Variants in GNB4 observed in about 807,000 individuals in gnomAD.
GNB4 encodes the protein G protein subunit beta 4, also known as guanine nucleotide-binding protein subunit beta-4.
In GNB4, 28 loss-of-function variants were observed where a neutral mutation model predicts 45.2. The observed-to-expected ratio is 0.62, with a 90% confidence interval of 0.46 to 0.85. The LOEUF (loss-of-function observed/expected upper bound fraction) is 0.85, where lower values mean the gene tolerates loss of function less well. Ranked by LOEUF, GNB4 falls within the 40% of genes least tolerant of loss-of-function variation. The pLI is 0.00. For missense variants in GNB4, 321 were observed against 425.4 expected (o/e 0.75, Z 2.16); for synonymous variants, 132 against 143.7 (o/e 0.92, Z 0.58).
At chr3:179,464,673 G>C in the GNB4 span, 1 of 1,087,728 alleles carries the variant, frequency 9.2e-7, no homozygotes, top group Admixed American at 1.7e-5. Flanking sequence ...TTCAATTTCA[G>C]AGGAAGAATT....
chr3:179,419,912 A>C (rs1205427538), intron 3 of GNB4, among the ~76,000 whole-genome samples: 1 of 152,036 alleles, frequency 6.6e-6, no homozygotes, highest in Non-Finnish European at 1.5e-5. Context: ...TACTTCCTTA[A>C]TAATAATGAT....
chr3:179,515,242 T>C, the GNB4 span, among the ~76,000 whole-genome samples: 1 of 152,270 alleles, frequency 6.6e-6, no homozygotes, highest in Non-Finnish European at 1.5e-5. Flanking sequence ...TTGATTCATT[T>C]AATCCTCACA....
At chr3:179,484,051 G>A in the GNB4 span, among the ~76,000 whole-genome samples, 11 of 152,218 alleles carry the variant, frequency 7.2e-5, no homozygotes, top group Non-Finnish European at 1.3e-4. Flanking sequence ...TTATGGGCAC[G>A]TTGTCTCAGC....
intron 1 of GNB4, among the ~76,000 whole-genome samples, chr3:179,448,253 C>T (rs1577042526): frequency 2.0e-5 from 3 of 152,194 alleles, no homozygotes; most frequent in East Asian, 3.8e-4. Flanking sequence ...GTGTGAGCCA[C>T]CGCGCCTGGC....
intron 1 of GNB4, among the ~76,000 whole-genome samples, chr3:179,431,041 T>C (rs1393943473): frequency 1.3e-5 from 2 of 152,186 alleles, no homozygotes; most frequent in East Asian, 3.9e-4. Flanking sequence ...AATACTATTA[T>C]CATAACTACC....
intron 9 of GNB4, 35 bp downstream of exon 9, chr3:179,405,155 G>GA (rs1560209590): frequency 6.5e-7 from 1 of 1,548,540 alleles, no homozygotes; most frequent in Non-Finnish European, 8.9e-7. Flanking sequence ...CACGCTTCCT[G>GA]AAAATCAGAA....
intron 1 of GNB4, among the ~76,000 whole-genome samples, chr3:179,435,489 A>T (rs1242910488): frequency 3.3e-5 from 5 of 151,896 alleles, no homozygotes; most frequent in African/African-American, 2.4e-5. Flanking sequence ...AAAAAAAAAA[A>T]AATCAGAAGG....
chr3:179,424,496 A>G (rs925186012), intron 2 of GNB4, among the ~76,000 whole-genome samples: 6 of 152,226 alleles, frequency 3.9e-5, no homozygotes, highest in African/African-American at 7.2e-5. Flanking sequence ...ATTCCTGGCA[A>G]TAAGTCTGTC....
At chr3:179,414,210 A>C (rs1007754898) in intron 6 of GNB4, among the ~76,000 whole-genome samples, 1 of 152,166 alleles carries the variant, frequency 6.6e-6, no homozygotes, top group Non-Finnish European at 1.5e-5. Flanking sequence ...TTTTTTTTTC[A>C]AATAAAAAAT....
chr3:179,436,440 A>G (rs759975818), intron 1 of GNB4, among the ~76,000 whole-genome samples: 11 of 152,198 alleles, frequency 7.2e-5, no homozygotes, highest in Non-Finnish European at 2.9e-5. Flanking sequence ...ATGTAAGTAT[A>G]AACTACTTTT....
chr3:179,407,963 G>A (rs980327312), intron 8 of GNB4, among the ~76,000 whole-genome samples: 1 of 152,076 alleles, frequency 6.6e-6, no homozygotes, highest in Non-Finnish European at 1.5e-5. Context: ...AAGCACACAC[G>A]GTGTGACTCT....
intron 1 of GNB4, among the ~76,000 whole-genome samples, chr3:179,430,297 C>A (rs1214105305): frequency 6.6e-6 from 1 of 152,100 alleles, no homozygotes; most frequent in Admixed American, 6.5e-5. Context: ...CCATGTTGCC[C>A]AGGCTTGTCT....
At chr3:179,482,075 G>T in the GNB4 span, among the ~76,000 whole-genome samples, 1 of 151,854 alleles carries the variant, frequency 6.6e-6, no homozygotes, top group Non-Finnish European at 1.5e-5. Context: ...GCTAATTTTT[G>T]TGTTTTTTGT....
At chr3:179,520,309 A>T in the GNB4 span, among the ~76,000 whole-genome samples, 1 of 152,020 alleles carries the variant, frequency 6.6e-6, no homozygotes, top group African/African-American at 2.4e-5. Flanking sequence ...TCATAAAAAC[A>T]CACGTGCTCT....
intron 7 of GNB4, 34 bp from the exon 8 acceptor site, chr3:179,413,647 T>C: frequency 6.2e-7 from 1 of 1,611,610 alleles, no homozygotes. Flanking sequence ...TGACAATTAC[T>C]TCTTCTTATG....
chr3:179,425,140 T>C (rs1221875828), intron 2 of GNB4, among the ~76,000 whole-genome samples: 1 of 152,242 alleles, frequency 6.6e-6, no homozygotes, highest in African/African-American at 2.4e-5. Flanking sequence ...CAAGATGGCA[T>C]GTCTATATCC....
intron 4 of GNB4, 80 bp from the exon 5 acceptor site, chr3:179,416,636 G>T: frequency 1.4e-6 from 1 of 732,304 alleles, no homozygotes; most frequent in South Asian, 2.1e-5. Flanking sequence ...CATTAATGTA[G>T]AATAATTCAG....
At chr3:179,471,491 C>T in the GNB4 span, among the ~76,000 whole-genome samples, 1 of 151,690 alleles carries the variant, frequency 6.6e-6, no homozygotes, top group Admixed American at 6.5e-5. Flanking sequence ...GTTATAATTG[C>T]CTACAGTATT....
intron 8 of GNB4, among the ~76,000 whole-genome samples, chr3:179,408,322 GAA>G: frequency 6.6e-6 from 1 of 152,162 alleles, no homozygotes; most frequent in Non-Finnish European, 1.5e-5. Context: ...AGATACAACA[GAA>G]AAGACATATG....
Sources: allele counts gnomAD v4.1 joint callset (sites outside exome capture counted in the v4.1 genomes callset), GRCh38; gene constraint gnomAD v4.1.1; transcripts MANE v1.5; gene names NCBI Gene and HGNC (gene_info 2026-07-23, HGNC 2026-07-21).